Variants in PACRG observed in about 807,000 individuals in gnomAD.
The protein encoded by PACRG is parkin coregulated, also known as parkin coregulated gene protein.
PACRG carries 29 observed loss-of-function variants against 29.7 expected under a neutral mutation model. That is an observed-to-expected ratio of 0.98 (90% CI 0.73 to 1.33). The LOEUF (loss-of-function observed/expected upper bound fraction) is 1.33. PACRG is among the 40% of genes most tolerant of loss of function. The pLI is 0.00. For synonymous variants in PACRG, 116 were observed against 118.7 expected (o/e 0.98, Z 0.15); for missense variants, 279 against 316.2 (o/e 0.88, Z 0.89).
At chr6:163,289,682 A>G (rs1784517895) in intron 4 of PACRG, among the ~76,000 whole-genome samples, 1 of 152,142 alleles carries the variant, frequency 6.6e-6, no homozygotes, top group Non-Finnish European at 1.5e-5. Context: ...CCAGCCCTGT[A>G]CTAGTCCAGG....
intron 1 of PACRG, among the ~76,000 whole-genome samples, chr6:162,809,830 A>G (rs921761932): frequency 2.0e-5 from 3 of 152,138 alleles, no homozygotes; most frequent in African/African-American, 7.2e-5. Flanking sequence ...TATCTAAATA[A>G]TGGTTGTAGT....
chr6:163,164,952 A>AG (rs1778728271), intron 4 of PACRG, among the ~76,000 whole-genome samples: 1 of 149,942 alleles, frequency 6.7e-6, no homozygotes. Context: ...ATGCTGGACA[A>AG]GGGTTTGCAA....
At chr6:162,747,452 A>ATATATATATAT (rs1562557120) in intron 1 of PACRG, among the ~76,000 whole-genome samples, 1 of 63,028 alleles carries the variant, frequency 1.6e-5, no homozygotes, top group Non-Finnish European at 3.0e-5. Context: ...ATATATATAT[A>ATATATATATAT]ACTATAAATA....
At chr6:163,213,418 A>G (rs1781234206) in intron 4 of PACRG, among the ~76,000 whole-genome samples, 1 of 152,198 alleles carries the variant, frequency 6.6e-6, no homozygotes, top group Non-Finnish European at 1.5e-5. Flanking sequence ...TAAGGATGTT[A>G]TTGGGACAAC....
chr6:163,070,925 A>T (rs150542178), intron 3 of PACRG, among the ~76,000 whole-genome samples: 3 of 152,236 alleles, frequency 2.0e-5, no homozygotes, highest in African/African-American at 7.2e-5. Context: ...GACAAAATAG[A>T]TTTCAAGTCA....
intron 2 of PACRG, among the ~76,000 whole-genome samples, chr6:163,029,226 A>G (rs1157594043): frequency 6.6e-6 from 1 of 152,218 alleles, no homozygotes; most frequent in Non-Finnish European, 1.5e-5. Flanking sequence ...AACCAGAACC[A>G]GCCTGAACCA....
At chr6:162,944,261 T>C (rs1371327151) in intron 2 of PACRG, among the ~76,000 whole-genome samples, 3 of 152,102 alleles carry the variant, frequency 2.0e-5, no homozygotes, top group African/African-American at 4.8e-5. Context: ...ACTGCATATA[T>C]CCAGAATCAA....
intron 4 of PACRG, among the ~76,000 whole-genome samples, chr6:163,154,189 G>A (rs1042480745): frequency 2.6e-5 from 4 of 152,146 alleles, no homozygotes; most frequent in African/African-American, 7.2e-5. Flanking sequence ...GGAGCTGGAC[G>A]TGCCCCCAGG....
At position 163,073,258 on chromosome 6, in the gene PACRG, AGAGAG is replaced by A. The variant is rs1351471262; in HGVS notation, c.463+10938_463+10942del. On this transcript the variant is annotated intron_variant, in intron 3 of 4. Coordinates refer to ENST00000366888, the MANE Select transcript of PACRG (RefSeq NM_001080379.2). ...ACAGACCAGTGGAACAGCATAGATA[AGAGAG>A]AAGTCAGAAATAAGTCCATACATCT... 1.4e-4 allele frequency among the ~76,000 whole-genome samples: 21 copies of A among 152,308 alleles called. No homozygotes were observed. The East Asian group carries it at 2.9e-3, about 21-fold the overall frequency.
At chr6:162,765,581 C>T (rs558656066) in intron 1 of PACRG, among the ~76,000 whole-genome samples, 20 of 152,146 alleles carry the variant, frequency 1.3e-4, no homozygotes, top group Admixed American at 6.5e-4. Context: ...GTACCATTAT[C>T]GTAAGTGATG....
chr6:163,214,391 A>G (rs918334030), intron 4 of PACRG, among the ~76,000 whole-genome samples: 1 of 152,096 alleles, frequency 6.6e-6, no homozygotes, highest in African/African-American at 2.4e-5. Flanking sequence ...TAAGAAATCT[A>G]GACTTTCTGG....
chr6:162,916,387 T>G (rs1415656611), intron 2 of PACRG, among the ~76,000 whole-genome samples: 1 of 152,194 alleles, frequency 6.6e-6, no homozygotes, highest in Non-Finnish European at 1.5e-5. Flanking sequence ...TTATCCTCTG[T>G]GTGATATGTT....
intron 2 of PACRG, among the ~76,000 whole-genome samples, chr6:162,996,284 G>A (rs1256553414): frequency 2.0e-5 from 3 of 152,142 alleles, no homozygotes; most frequent in African/African-American, 7.2e-5. Flanking sequence ...CAATGTTTAT[G>A]TGTCAATGAT....
chr6:163,089,159 G>A, intron 3 of PACRG, 100 bp from the exon 4 acceptor site: 1 of 1,293,140 alleles, frequency 7.7e-7, no homozygotes, highest in Non-Finnish European at 1.1e-6. Context: ...GTAGAGCACA[G>A]TTTAATTAAA....
At chr6:163,119,215 C>G (rs1025553321) in intron 4 of PACRG, among the ~76,000 whole-genome samples, 2 of 152,252 alleles carry the variant, frequency 1.3e-5, no homozygotes, top group Non-Finnish European at 2.9e-5. Context: ...TACAGCTAGA[C>G]TCCTGGGGCC....
chr6:162,917,546 G>C (rs779196203), intron 2 of PACRG, among the ~76,000 whole-genome samples: 3 of 152,176 alleles, frequency 2.0e-5, no homozygotes, highest in Non-Finnish European at 2.9e-5. Context: ...AATTAGAAGA[G>C]ATAGATTTGG....
At chr6:163,280,190 G>A (rs1315086608) in intron 4 of PACRG, among the ~76,000 whole-genome samples, 1 of 152,312 alleles carries the variant, frequency 6.6e-6, no homozygotes, top group East Asian at 1.9e-4. Flanking sequence ...GGGATGTGGA[G>A]TTATCACTTT....
rs1308681508 is a variant in PACRG, at chr6:163,314,904, G to T, written c.691G>T (p.Ala231Ser). The T allele has an allele frequency of 1.2e-6, 2 of 1,614,168 alleles. No individual in the cohort carries two copies. The highest frequency in any genetic ancestry group is 3.3e-5 in the Admixed American group (2 of 60,026). ...GGACTTGATCCAGGAGACACTGGAG[G>T]CCTTCGAGCGCTACGGAGGAGAAAA... ...IGDLIQETLEAFERYGGENAF... is the reference protein window; with the variant it reads ...IGDLIQETLESFERYGGENAF... The change falls in exon 5 of 5, where the codon GCC becomes TCC. Residue 231 changes from alanine (A) to serine (S), a missense_variant. Transcript: ENST00000366888.
At chr6:163,199,742 C>G (rs1025162700) in intron 4 of PACRG, among the ~76,000 whole-genome samples, 69 of 152,156 alleles carry the variant, frequency 4.5e-4, no homozygotes, top group African/African-American at 1.5e-3. Context: ...TTGAACTCCT[C>G]GCAGAACTCA....
Sources: gnomAD v4.1 joint callset for allele counts (sites outside exome capture counted in the v4.1 genomes callset) on GRCh38, gnomAD v4.1.1 for gene constraint, MANE v1.5 for transcripts, NCBI Gene and HGNC (gene_info 2026-07-23, HGNC 2026-07-21) for gene names.